UBE2O: variants seen among roughly 807,000 people sequenced by gnomAD.
UBE2O encodes ubiquitin conjugating enzyme E2 O, also known as (E3-independent) E2 ubiquitin-conjugating enzyme.
UBE2O carries 15 observed loss-of-function variants against 125.8 expected under a neutral mutation model. The observed-to-expected ratio is 0.12, with a 90% CI of 0.08 to 0.18. The LOEUF (loss-of-function observed/expected upper bound fraction) is 0.18. Ranked by LOEUF, UBE2O falls within the 10% of genes least tolerant of loss-of-function variation. The probability of loss-of-function intolerance (pLI) is 1.00; values close to 1 mark genes in which losing one functional copy is unlikely to be tolerated. For missense variants in UBE2O, 1,280 were observed against 1,723.6 expected, an observed-to-expected ratio of 0.74 and a Z score of 4.56; for synonymous variants, 708 against 703.2, an observed-to-expected ratio of 1.01 and a Z score of -0.11.
intron 1 of UBE2O, among the ~76,000 whole-genome samples, chr17:76,441,153 T>C (rs2073070916): frequency 6.6e-6 from 1 of 152,126 alleles, no homozygotes; most frequent in African/African-American, 2.4e-5. Context: ...ATGACACAGG[T>C]AAAGTGTGAG....
Position 76,399,610 on chromosome 17 carries a change from G to A in UBE2O, c.1467C>T (p.Asp489=), listed in dbSNP as rs763610862. 9 of 1,614,198 alleles carry A rather than the reference G, an allele frequency of 5.6e-6. No homozygotes were observed. Among genetic ancestry groups the A allele is most frequent in the East Asian group, 2.2e-5 (1 of 44,888 alleles). ...CAGAGGAGGTCACCGAACTGGTGTCGTCCGTGTCATCAGCAGCCTCATCAT... is the reference window on the plus strand; with the variant it reads ...CAGAGGAGGTCACCGAACTGGTGTCATCCGTGTCATCAGCAGCCTCATCAT... The part of the protein sequence containing the change: ...DADDEAADDT[D]DTSSVTSSAS... The change falls in exon 9 of 18, where the codon GAC becomes GAT. Residue 489 remains aspartate, a synonymous_variant. Coordinates refer to ENST00000319380, the MANE Select transcript of UBE2O (RefSeq NM_022066.4). This position sits in a 1 kb window ranked among gnomAD's most constrained non-coding sequence, Gnocchi z 6.9.
In UBE2O at chr17:76,397,869, G is replaced by C. The variant is rs962276770; in HGVS notation, c.2045C>G (p.Ala682Gly). Residue 682 changes from alanine to glycine, a missense_variant, in exon 13 of 18, where the codon GCC (alanine) becomes GGC (glycine). Ala to Gly is a moderately conservative substitution (Grantham distance 60). Coordinates refer to ENST00000319380, the MANE Select transcript of UBE2O (RefSeq NM_022066.4). The stretch of plus-strand genomic sequence containing the variant: ...CACCTTGCTGCTGACGTCCACACGG[G>C]CCACCTGGCCCACCGATGGCTGCTG... ...KEDEPSVGQV[A>G]RVDVSSKVEV... 9 of 1,614,144 alleles carry C rather than the reference G, an allele frequency of 5.6e-6. No homozygotes were observed. The highest frequency in any genetic ancestry group is 7.6e-6 in the Non-Finnish European group (9 of 1,180,034).
At chr17:76,411,349 G>A (rs1237960897) in intron 1 of UBE2O, among the ~76,000 whole-genome samples, 2 of 152,190 alleles carry the variant, frequency 1.3e-5, no homozygotes, top group African/African-American at 2.4e-5. Context: ...GTCCCTGTAG[G>A]AGCGGATGGC....
chr17:76,453,022 C>T lies in UBE2O; in HGVS notation c.120G>A (p.Ser40=). The change falls in exon 1 of 18, where the codon TCG becomes TCA. Residue 40 remains serine, a synonymous_variant. Coordinates refer to ENST00000319380, the MANE Select transcript of UBE2O (RefSeq NM_022066.4). ...CCGAGGACGGCCCGGAGGCCGAGTC[C>T]GAGGCGGGCGCCGGCGCCGGGACGG... is the stretch of plus-strand genomic sequence containing the variant. ...AAPVPAPAPA[S]DSASGPSSDS... The T allele has an allele frequency of 2.1e-6, 3 of 1,446,552 alleles. No homozygotes were observed. Among genetic ancestry groups the T allele is most frequent in the Non-Finnish European group, 2.7e-6 (3 of 1,101,124 alleles). The allele number at this position is 1,446,552 out of a possible 1,614,324, so 89.6% of individuals were successfully genotyped here. A position where few individuals can be genotyped will look rare whatever the true frequency, so the allele number is the denominator to read the frequency against.
chr17:76,402,198 A>C lies in UBE2O; in HGVS notation c.687-71T>G. ...AGTACCAAAAAGTTGCGATTCTGAG[A>C]TGCCAATGCGCCCACATGCCCTAAA... On this transcript the variant is annotated intron_variant, in intron 4 of 17. Transcript: ENST00000319380. The surrounding 1 kb of genome is among the most constrained non-coding windows in gnomAD (Gnocchi z 5.4). 2 of 1,406,752 alleles carry C rather than the reference A, an allele frequency of 1.4e-6. No homozygotes were observed. Among genetic ancestry groups the C allele is most frequent in the Non-Finnish European group, 2.0e-6 (2 of 1,002,872 alleles). The allele number at this position is 1,406,752 out of a possible 1,614,324, so 87.1% of individuals were successfully genotyped here. A position where few individuals can be genotyped will look rare whatever the true frequency, so the allele number is the denominator to read the frequency against.
In UBE2O at chr17:76,410,523, T is replaced by C. The variant is rs1018265509; in HGVS notation, c.418-4951A>G. ...GAAGGTGCTCTGGAGACGCAGGTGC[T>C]GAGACCCGAACAATGGCAGAGAAGG... is the stretch of plus-strand genomic sequence containing the variant. On this transcript the variant is annotated intron_variant, in intron 1 of 17. Transcript: ENST00000319380. The surrounding 1 kb of genome is among the most constrained non-coding windows in gnomAD (Gnocchi z 4.0). Among the ~76,000 whole-genome samples the C allele has an allele frequency of 6.6e-6, 1 of 152,158 alleles. No homozygotes were observed. The highest frequency in any genetic ancestry group is 2.4e-5 in the African/African-American group (1 of 41,428).
At chr17:76,413,320 G>T (rs746649174) in intron 1 of UBE2O, among the ~76,000 whole-genome samples, 2 of 152,066 alleles carry the variant, frequency 1.3e-5, no homozygotes, top group Non-Finnish European at 2.9e-5. Flanking sequence ...TCCCAGTGTG[G>T]ATTTCTGAAA....
intron 13 of UBE2O, among the ~76,000 whole-genome samples, chr17:76,397,440 T>C (rs990423197): frequency 6.6e-6 from 1 of 152,208 alleles, no homozygotes; most frequent in African/African-American, 2.4e-5. Flanking sequence ...CTCTCCTTTC[T>C]CTCCTTCTCT....
chr17:76,416,196 G>T (rs911978307), intron 1 of UBE2O, among the ~76,000 whole-genome samples: 1 of 151,502 alleles, frequency 6.6e-6, no homozygotes, highest in African/African-American at 2.4e-5. Context: ...ATGTATATGT[G>T]TATATGTGTG....
chr17:76,396,553 A>G lies in UBE2O; in HGVS notation c.2384T>C (p.Met795Thr), dbSNP rs554876093. ...GCCAGCCTTCTCCATCAGCCCGGCC[A>G]TGGGGGCAGCCATGGCCACAGCCCC... ...VQGAVAMAAP[M>T]AGLMEKAGKD... The change falls in exon 14 of 18, where the codon ATG becomes ACG. Residue 795 changes from methionine to threonine, a missense_variant. Met to Thr is a moderately conservative substitution (Grantham distance 81, BLOSUM62 -1). Around this residue, in one of 10 missense-constraint regions of UBE2O, gnomAD observed 210 missense variants for 268.9 expected, o/e 0.78. Transcript: ENST00000319380. This position sits in a 1 kb window ranked among gnomAD's most constrained non-coding sequence, Gnocchi z 6.7. 10 of 1,611,512 alleles carry G rather than the reference A, an allele frequency of 6.2e-6. No homozygotes were observed. The African/African-American group carries it at 1.1e-4, about 17-fold the overall frequency.
intron 1 of UBE2O, among the ~76,000 whole-genome samples, chr17:76,425,225 CAAAA>C (rs58377572): frequency 3.7e-4 from 35 of 95,096 alleles, no homozygotes; most frequent in Middle Eastern, 6.6e-3. Context: ...GTCCTTTCGA[CAAAA>C]AAAAAAAAAA....
In UBE2O at chr17:76,404,957, A is replaced by C. The variant is rs2072390431; in HGVS notation, c.588+249T>G. On this transcript the variant is annotated intron_variant, in intron 3 of 17. Coordinates refer to ENST00000319380, the MANE Select transcript of UBE2O (RefSeq NM_022066.4). This position sits in a 1 kb window ranked among gnomAD's most constrained non-coding sequence, Gnocchi z 4.3. ...AAATGTTAGAGGAGAAAGGAAAAACACTTAAAGATAACCACACTGGCAGCC... is the reference window on the plus strand; with the variant it reads ...AAATGTTAGAGGAGAAAGGAAAAACCCTTAAAGATAACCACACTGGCAGCC... Among the ~76,000 whole-genome samples, 1 of 152,196 alleles carries C rather than the reference A, an allele frequency of 6.6e-6. No individual in the cohort carries two copies. Among genetic ancestry groups the C allele is most frequent in the African/African-American group, 2.4e-5 (1 of 41,438 alleles).
chr17:76,442,595 G>A (rs1303823004), intron 1 of UBE2O, among the ~76,000 whole-genome samples: 1 of 152,268 alleles, frequency 6.6e-6, no homozygotes, highest in Non-Finnish European at 1.5e-5. Flanking sequence ...GAGAATGTGG[G>A]TGTGCCATGG....
chr17:76,398,834 T>C lies in UBE2O; in HGVS notation c.1783+3A>G. 6.2e-7 allele frequency: 1 copy of C among 1,613,356 alleles called. No individual in the cohort carries two copies. ...CTGGCTGCCCTTCCAGAGCTGGCAC[T>C]ACCTCGCTTATCTACCACGAAGTCT... On this transcript the variant is annotated splice_donor_region_variant and intron_variant, in intron 10 of 17. Transcript: ENST00000319380. This position sits in a 1 kb window ranked among gnomAD's most constrained non-coding sequence, Gnocchi z 5.4.
chr17:76,431,572 C>T (rs531622425), intron 1 of UBE2O, among the ~76,000 whole-genome samples: 1 of 152,282 alleles, frequency 6.6e-6, no homozygotes, highest in Non-Finnish European at 1.5e-5. Flanking sequence ...TTCAGACATT[C>T]ACCTACTCAC....
chr17:76,432,732 T>C (rs1472359370), intron 1 of UBE2O, among the ~76,000 whole-genome samples: 1 of 152,138 alleles, frequency 6.6e-6, no homozygotes, highest in Non-Finnish European at 1.5e-5. Flanking sequence ...CAGGGTGTAA[T>C]AAGCAGACCA....
chr17:76,393,230 C>A (rs1439169475), intron 15 of UBE2O, among the ~76,000 whole-genome samples: 1 of 151,664 alleles, frequency 6.6e-6, no homozygotes, highest in Non-Finnish European at 1.5e-5. Context: ...TGCACTCCAG[C>A]CTGGGCGACA....
At chr17:76,412,989 C>T (rs1293251928) in intron 1 of UBE2O, among the ~76,000 whole-genome samples, 1 of 152,128 alleles carries the variant, frequency 6.6e-6, no homozygotes, top group East Asian at 1.9e-4. Flanking sequence ...GCCTAGGTGA[C>T]TGGAAGACAG....
In UBE2O at chr17:76,402,261, G is replaced by T; in HGVS notation, c.687-134C>A. The T allele has an allele frequency of 1.3e-6, 1 of 794,590 alleles. No individual in the cohort carries two copies. Among genetic ancestry groups the T allele is most frequent in the Non-Finnish European group, 2.0e-6 (1 of 494,700 alleles). The allele number at this position is 794,590 out of a possible 1,614,324, so 49.2% of individuals were successfully genotyped here. ...TCTTCTACCATCAACTCAGCCCGAG[G>T]TAGTACAAGAAACTCTCCCACAACG... On this transcript the variant is annotated intron_variant, in intron 4 of 17. Transcript: ENST00000319380. The surrounding 1 kb of genome is among the most constrained non-coding windows in gnomAD (Gnocchi z 5.4).
Sources: allele counts gnomAD v4.1 joint callset (sites outside exome capture counted in the v4.1 genomes callset), GRCh38; gene constraint gnomAD v4.1.1; regional missense constraint gnomAD v4.1.1; non-coding constraint Gnocchi (gnomAD v3.1); transcripts MANE v1.5; gene names NCBI Gene and HGNC (gene_info 2026-07-23, HGNC 2026-07-21).